The following CCM2 variants were observed in gnomAD, a reference collection of about 807,000 sequenced individuals.
CCM2 encodes the protein cerebral cavernous malformations 2 protein.
CCM2 carries 25 observed loss-of-function variants against 44.9 expected under a neutral mutation model. That is an observed-to-expected ratio of 0.56 (90% CI 0.41 to 0.78). The LOEUF (loss-of-function observed/expected upper bound fraction) is 0.78. Among genes scored for constraint, CCM2 ranks in the 30% least tolerant of loss-of-function variants. The probability of loss-of-function intolerance (pLI) is 0.00; values close to 1 mark genes in which losing one functional copy is unlikely to be tolerated. For synonymous variants in CCM2, 219 were observed against 241.1 expected (o/e 0.91, Z 0.85); for missense variants, 481 against 580.6 (o/e 0.83, Z 1.76).
chr7:45,026,375 G>A (rs569335766), intron 1 of CCM2, among the ~76,000 whole-genome samples: 11 of 152,172 alleles, frequency 7.2e-5, no homozygotes, highest in African/African-American at 2.2e-4. Flanking sequence ...AATAATTGAA[G>A]CACTAAATTT....
intron 6 of CCM2, chr7:45,071,736 C>T: frequency 2.2e-6 from 1 of 456,664 alleles, no homozygotes; most frequent in South Asian, 1.5e-5. Flanking sequence ...ATGGCCCTTC[C>T]TCTGTCTTCA....
intron 4 of CCM2, chr7:45,068,060 C>T (rs1039227016): frequency 2.5e-5 from 9 of 354,630 alleles, no homozygotes; most frequent in African/African-American, 1.5e-4. Flanking sequence ...AACTCACACG[C>T]CCTCAGGCCA....
chr7:45,072,572 C>T (rs1799131452), intron 6 of CCM2, 154 bp from the exon 7 acceptor site: 1 of 706,442 alleles, frequency 1.4e-6, no homozygotes, highest in African/African-American at 1.7e-5. Context: ...GCACACAGCA[C>T]ATTCCAGAGT....
intron 2 of CCM2, among the ~76,000 whole-genome samples, chr7:45,056,559 G>T (rs2128743307): frequency 6.6e-6 from 1 of 152,266 alleles, no homozygotes; most frequent in South Asian, 2.1e-4. Context: ...GTTTTGATTT[G>T]CATTTCCCTA....
At chr7:45,006,418 G>A (rs144049277) in intron 1 of CCM2, among the ~76,000 whole-genome samples, 32 of 151,454 alleles carry the variant, frequency 2.1e-4, no homozygotes, top group African/African-American at 6.1e-4. Context: ...ATCTTGGCTC[G>A]CTGCAAGCTC....
At chr7:45,070,176 C>T (rs930344517) in intron 6 of CCM2, 1 of 603,436 alleles carries the variant, frequency 1.7e-6, no homozygotes, top group South Asian at 2.0e-5. Flanking sequence ...CAGGTCAGCG[C>T]TATGGCTTCC....
rs1330989888 is a variant in CCM2, at chr7:45,075,893, G to C, written c.1171G>C (p.Ala391Pro). 6.2e-7 allele frequency: 1 copy of C among 1,613,286 alleles called. No individual in the cohort carries two copies. The highest frequency in any genetic ancestry group is 2.2e-5 in the East Asian group (1 of 44,888). The change falls in exon 10 of 10, where the codon GCC becomes CCC. Residue 391 changes from alanine (A) to proline (P), a missense_variant. Transcript: ENST00000258781. ...TGACAGCTTTGGCAGGCACCGGCGGGCCCTGAGCACCACATCCAGTTCCAC... is the reference window on the plus strand; with the variant it reads ...TGACAGCTTTGGCAGGCACCGGCGGCCCCTGAGCACCACATCCAGTTCCAC... ...ITDSFGRHRR[A>P]LSTTSSSTTN... is the part of the protein sequence containing the mutation.
chr7:45,008,632 G>A (rs1261725577), intron 1 of CCM2, among the ~76,000 whole-genome samples: 2 of 152,024 alleles, frequency 1.3e-5, no homozygotes, highest in African/African-American at 2.4e-5. Context: ...AAAGTACTGG[G>A]ATTACAGGCG....
At chr7:45,045,804 A>G (rs1286571289) in intron 2 of CCM2, among the ~76,000 whole-genome samples, 1 of 152,206 alleles carries the variant, frequency 6.6e-6, no homozygotes, top group Non-Finnish European at 1.5e-5. Flanking sequence ...AAAACAAAAC[A>G]AAACAAAACA....
intron 1 of CCM2, among the ~76,000 whole-genome samples, chr7:45,021,246 G>C (rs1222876354): frequency 6.6e-6 from 1 of 152,044 alleles, no homozygotes; most frequent in Non-Finnish European, 1.5e-5. Context: ...AATAGAGCAA[G>C]ACCCTGTCTC....
At chr7:45,053,057 C>T (rs1212029546) in intron 2 of CCM2, among the ~76,000 whole-genome samples, 3 of 152,236 alleles carry the variant, frequency 2.0e-5, no homozygotes, top group African/African-American at 4.8e-5. Context: ...GATGTACTTT[C>T]AGGTGGACCT....
intron 2 of CCM2, among the ~76,000 whole-genome samples, chr7:45,052,183 A>T (rs1798045493): frequency 1.3e-5 from 2 of 152,212 alleles, no homozygotes; most frequent in East Asian, 3.8e-4. Context: ...TGTGGAGGAC[A>T]TGCTAATTTT....
intron 2 of CCM2, among the ~76,000 whole-genome samples, chr7:45,041,355 T>C (rs1308913258): frequency 6.6e-6 from 1 of 152,208 alleles, no homozygotes; most frequent in Non-Finnish European, 1.5e-5. Flanking sequence ...TAAGTGCATC[T>C]AAAATCTAAA....
intron 8 of CCM2, chr7:45,073,981 G>T: frequency 1.7e-6 from 1 of 573,488 alleles, no homozygotes; most frequent in Non-Finnish European, 3.1e-6. Flanking sequence ...CCCCGGGCCA[G>T]GTTGCCAACT....
chr7:45,035,117 T>G (rs1459921471), intron 1 of CCM2, among the ~76,000 whole-genome samples: 7 of 152,222 alleles, frequency 4.6e-5, no homozygotes, highest in Non-Finnish European at 1.5e-5. Flanking sequence ...ATTATAGGCG[T>G]GAGCCGCTGC....
intron 2 of CCM2, among the ~76,000 whole-genome samples, chr7:45,056,256 A>G (rs1798256906): frequency 6.6e-6 from 1 of 152,250 alleles, no homozygotes; most frequent in Non-Finnish European, 1.5e-5. Flanking sequence ...TTGAGGAACC[A>G]CCATATTGCT....
chr7:45,076,021 G>A lies in CCM2; in HGVS notation c.1299G>A (p.Glu433=), dbSNP rs1784232769. The A allele has an allele frequency of 6.2e-7, 1 of 1,613,080 alleles. No individual in the cohort carries two copies. The highest frequency in any genetic ancestry group is 1.7e-5 in the Admixed American group (1 of 60,018). ...RMISDISSDI[E]ALGCSMDQDS... ...TCTCGGACATCAGCAGCGACATTGA[G>A]GCGCTGGGCTGCAGCATGGACCAGG... Residue 433 remains glutamate (E), a synonymous_variant, in exon 10 of 10, where the codon GAG becomes GAA. Coordinates refer to ENST00000258781, the MANE Select transcript of CCM2 (RefSeq NM_031443.4).
At position 45,028,346 on chromosome 7, in the gene CCM2, G is replaced by T. The variant is rs139168624; in HGVS notation, c.31-9907G>T. 3.9e-5 allele frequency among the ~76,000 whole-genome samples: 6 copies of T among 152,256 alleles called. No individual in the cohort carries two copies. The East Asian group carries it at 1.2e-3, about 29-fold the overall frequency. On this transcript the variant is annotated intron_variant, in intron 1 of 9. Transcript: ENST00000258781. ...AAGCAAACAGGCGGTAGTGGGCAGA[G>T]CTCTGGTTCCCCTTGAAATTCGCTC...
At chr7:45,040,364 G>C (rs1797430283) in intron 2 of CCM2, among the ~76,000 whole-genome samples, 1 of 151,640 alleles carries the variant, frequency 6.6e-6, no homozygotes, top group African/African-American at 2.4e-5. Flanking sequence ...GGGCAATAGA[G>C]CGAGACTCCG....
Sources: gnomAD v4.1 joint callset for allele counts (sites outside exome capture counted in the v4.1 genomes callset) on GRCh38, gnomAD v4.1.1 for gene constraint, MANE v1.5 for transcripts, NCBI Gene and HGNC (gene_info 2026-07-23, HGNC 2026-07-21) for gene names.